DMD: variants seen among roughly 807,000 people sequenced by gnomAD.
DMD encodes the protein dystrophin, also known as mutant dystrophin.
A neutral mutation model predicts 330.1 loss-of-function variants in DMD; 63 were observed. That is an observed-to-expected ratio of 0.19 (90% CI 0.16 to 0.24). The LOEUF (loss-of-function observed/expected upper bound fraction) is 0.24, where lower values mean the gene tolerates loss of function less well. Among genes scored for constraint, DMD ranks in the 10% least tolerant of loss-of-function variants. The pLI is 1.00. For synonymous variants in DMD, 1,223 were observed against 959.8 expected (o/e 1.27, Z -5.07); for missense variants, 3,344 against 2,684.1 (o/e 1.25, Z -5.43).
At chrX:32,794,445 C>T (rs1024544522) in intron 7 of DMD, among the ~76,000 whole-genome samples, 4 of 110,874 alleles carry the variant, frequency 3.6e-5, no homozygotes, top group Admixed American at 1.9e-4. Flanking sequence ...AAAAATTAGC[C>T]GGGCATGGTG....
intron 44 of DMD, among the ~76,000 whole-genome samples, chrX:32,141,043 T>C (rs1201826577): frequency 9.0e-6 from 1 of 111,579 alleles, no homozygotes; most frequent in African/African-American, 3.3e-5. Flanking sequence ...AAACATTTGA[T>C]ACATTGCTCT....
intron 4 of DMD, among the ~76,000 whole-genome samples, chrX:32,836,955 CA>C (rs1429552868): frequency 9.0e-6 from 1 of 111,533 alleles, no homozygotes; most frequent in Non-Finnish European, 1.9e-5. Flanking sequence ...AAGTGACTCT[CA>C]GCGTGTCTTT....
In DMD at chrX:32,944,088, A is replaced by G. The variant is rs575184658; in HGVS notation, c.93+76051T>C. 6.3e-5 allele frequency among the ~76,000 whole-genome samples: 7 copies of G among 111,604 alleles called. No individual in the cohort carries two copies. The South Asian group carries it at 2.3e-3, about 36-fold the overall frequency. On this transcript the variant is annotated intron_variant, in intron 2 of 78. Transcript: ENST00000357033. ...TACATGTGTACACATTTTTTAGCAC[A>G]CAATTATGGGTGAACATGCAATATT...
chrX:31,139,472 TATACACACACACAC>T (rs1569325965), intron 76 of DMD, among the ~76,000 whole-genome samples: 2 of 83,481 alleles, frequency 2.4e-5, no homozygotes, highest in South Asian at 1.0e-3. Flanking sequence ...GTGGTGTTTA[TATACACACACACAC>T]ACACACACAC....
chrX:32,310,035 C>A (rs763853139), intron 42 of DMD, 47 bp downstream of exon 42: 2 of 1,089,588 alleles, frequency 1.8e-6, no homozygotes, highest in African/African-American at 3.6e-5. Context: ...TATGAATGAT[C>A]AGTATGATCA....
chrX:32,355,540 C>T (rs1337137439), intron 37 of DMD, among the ~76,000 whole-genome samples: 2 of 111,759 alleles, frequency 1.8e-5, no homozygotes, highest in Non-Finnish European at 3.8e-5. Context: ...AATGACACTG[C>T]TCACCAAACT....
chrX:32,580,897 G>A (rs2053585035), intron 13 of DMD, among the ~76,000 whole-genome samples: 1 of 110,734 alleles, frequency 9.0e-6, no homozygotes, highest in South Asian at 3.9e-4. Context: ...CGCGATCTCG[G>A]CTCACTGCAA....
chrX:33,339,156 G>A (rs2054298079), intron 1 of DMD: 1 of 903,411 alleles, frequency 1.1e-6, no homozygotes, highest in Non-Finnish European at 1.5e-6. Context: ...GAAGAGCTCG[G>A]CAACAAACCC....
intron 17 of DMD, among the ~76,000 whole-genome samples, chrX:32,539,904 T>C (rs1229925481): frequency 9.0e-6 from 1 of 111,696 alleles, no homozygotes; most frequent in African/African-American, 3.3e-5. Context: ...CTGCTTACCC[T>C]GGAGGGAAAA....
At chrX:31,657,926 C>A in intron 54 of DMD, 64 bp downstream of exon 54, 1 of 1,115,541 alleles carries the variant, frequency 9.0e-7, no homozygotes, top group South Asian at 1.8e-5. Context: ...TCCTCATGGT[C>A]CATCCAGTTT....
In DMD at chrX:32,807,122, T is replaced by TTAAAAAAAAAAAAAAAAAAAAA. The variant is rs1345640031; in HGVS notation, c.649+2370_649+2371insTTTTTTTTTTTTTTTTTTTTTA. ...CAGAACTGAAGGAGACGGAAACATT[T>TTAAAAAAAAAAAAAAAAAAAAA]AAAAAAAAAAAAAAAAAAAAAAAAA... On this transcript the variant is annotated intron_variant, in intron 7 of 78. Coordinates refer to ENST00000357033, the MANE Select transcript of DMD (RefSeq NM_004006.3). Among the ~76,000 whole-genome samples, 5 of 20,741 alleles carry TTAAAAAAAAAAAAAAAAAAAAA rather than the reference T, an allele frequency of 2.4e-4. 1 individual carries two copies. Among genetic ancestry groups the TTAAAAAAAAAAAAAAAAAAAAA allele is most frequent in the African/African-American group, 1.1e-3 (5 of 4,538 alleles). The allele number at this position is 20,741 out of a possible 115,157, so 18.0% of individuals were successfully genotyped here.
chrX:33,041,326 G>T (rs1473249504), intron 1 of DMD: 7 of 1,102,888 alleles, frequency 6.3e-6, no homozygotes, highest in South Asian at 5.8e-5. Context: ...AATAGCTACC[G>T]CCTCTGCGCG....
chrX:31,687,456 C>A (rs2082759134), intron 52 of DMD, among the ~76,000 whole-genome samples: 1 of 110,778 alleles, frequency 9.0e-6, no homozygotes, highest in South Asian at 3.9e-4. Flanking sequence ...ATATGGGTCC[C>A]AGTTCTCTCA....
At chrX:31,935,306 G>A (rs1229101310) in intron 45 of DMD, among the ~76,000 whole-genome samples, 3 of 111,450 alleles carry the variant, frequency 2.7e-5, no homozygotes, top group South Asian at 3.8e-4. Flanking sequence ...CCTGGGACAC[G>A]GAGTACAGAG....
intron 52 of DMD, among the ~76,000 whole-genome samples, chrX:31,689,260 C>A (rs1351378223): frequency 8.9e-6 from 1 of 112,513 alleles, no homozygotes; most frequent in Non-Finnish European, 1.9e-5. Context: ...TGATAAGCAA[C>A]TTCAGCAAAG....
chrX:31,555,223 A>G (rs1325777317), intron 55 of DMD, among the ~76,000 whole-genome samples: 1 of 111,604 alleles, frequency 9.0e-6, no homozygotes, highest in East Asian at 2.8e-4. Flanking sequence ...TGCTCTCACA[A>G]TAGCTGATTT....
intron 25 of DMD, among the ~76,000 whole-genome samples, chrX:32,456,248 C>G (rs1271950815): frequency 9.0e-6 from 1 of 110,534 alleles, no homozygotes; most frequent in Non-Finnish European, 1.9e-5. Flanking sequence ...ATTTTAGGTT[C>G]TTTACTTACC....
At chrX:31,686,050 C>G (rs2082669162) in intron 52 of DMD, among the ~76,000 whole-genome samples, 1 of 111,925 alleles carries the variant, frequency 8.9e-6, no homozygotes, top group African/African-American at 3.2e-5. Flanking sequence ...CCACTTTCAC[C>G]ATTAATCATT....
intron 54 of DMD, among the ~76,000 whole-genome samples, chrX:31,637,452 G>A (rs1388525322): frequency 1.8e-5 from 2 of 110,974 alleles, no homozygotes; most frequent in Non-Finnish European, 3.8e-5. Flanking sequence ...TGAAAGGAAT[G>A]AATCTGAGGG....
Sources: gnomAD v4.1 joint callset for allele counts (sites outside exome capture counted in the v4.1 genomes callset) on GRCh38, gnomAD v4.1.1 for gene constraint, MANE v1.5 for transcripts, NCBI Gene and HGNC (gene_info 2026-07-23, HGNC 2026-07-21) for gene names.